Variants in XRCC6 observed in about 807,000 individuals in gnomAD.
XRCC6 encodes DNA repair protein Ku70.
In XRCC6, 5 loss-of-function variants were observed where a neutral mutation model predicts 65.7. That is an observed-to-expected ratio of 0.08 (90% CI 0.04 to 0.16). XRCC6 has a LOEUF of 0.16. Ranked by LOEUF, XRCC6 falls within the 10% of genes least tolerant of loss-of-function variation. The probability of loss-of-function intolerance (pLI) is 1.00; values close to 1 mark genes in which losing one functional copy is unlikely to be tolerated. For missense variants in XRCC6, 447 were observed against 738.1 expected (o/e 0.61, Z 4.57); for synonymous variants, 270 against 270.6 (o/e 1.00, Z 0.02).
intron 3 of XRCC6, among the ~76,000 whole-genome samples, chr22:41,630,391 T>C (rs1414481710): frequency 6.6e-6 from 1 of 152,056 alleles, no homozygotes; most frequent in Non-Finnish European, 1.5e-5. Flanking sequence ...GGTTAAGGCA[T>C]GTGCCACTAT....
At chr22:41,658,201 T>C (rs770785582) in intron 10 of XRCC6, 51 bp from the exon 11 acceptor site, 2 of 1,590,290 alleles carry the variant, frequency 1.3e-6, no homozygotes, top group Admixed American at 3.4e-5. Context: ...TCTAATTTTT[T>C]CAATGTTTAA....
intron 6 of XRCC6, among the ~76,000 whole-genome samples, chr22:41,645,034 C>T (rs1231438118): frequency 6.6e-6 from 1 of 151,926 alleles, no homozygotes; most frequent in Non-Finnish European, 1.5e-5. Flanking sequence ...GGGGCTGTGG[C>T]TCACACCTGT....
At chr22:41,652,952 G>A (rs915087698) in intron 8 of XRCC6, among the ~76,000 whole-genome samples, 2 of 151,746 alleles carry the variant, frequency 1.3e-5, no homozygotes, top group African/African-American at 2.4e-5. Context: ...GATTACAGGC[G>A]TGAGCCACCA....
At chr22:41,624,997 A>AAAAAT (rs998055544) in intron 2 of XRCC6, among the ~76,000 whole-genome samples, 113 of 152,240 alleles carry the variant, frequency 7.4e-4, no homozygotes, top group African/African-American at 2.5e-3. Context: ...ACTCCGTCTC[A>AAAAAT]AAAATAAAAT....
At chr22:41,661,503 T>A (rs1056164768) in intron 12 of XRCC6, 59 bp downstream of exon 12, 1 of 1,402,886 alleles carries the variant, frequency 7.1e-7, no homozygotes. Flanking sequence ...ATGATAGTCT[T>A]ATCACAGTGG....
rs1030632838 is a variant in XRCC6 at position 41,621,717 on chromosome 22, A to G, written c.-15-273A>G. On this transcript the variant is annotated intron_variant, in intron 1 of 12. Transcript: ENST00000360079. ...CTGGAGCGGGAATCCCTCACCGTCT[A>G]AATGGCGTCGGGGGCGGGACCTCCG... The G allele has an allele frequency of 4.5e-4, 203 of 452,228 alleles. 5 individuals carry two copies. The highest frequency in any genetic ancestry group is 2.5e-3 in the Middle Eastern group (4 of 1,594). 28.0% of individuals were successfully genotyped at this position (452,228 alleles called of 1,614,324 possible).
chr22:41,624,474 C>T (rs904008730), intron 2 of XRCC6, among the ~76,000 whole-genome samples: 4 of 151,018 alleles, frequency 2.6e-5, no homozygotes, highest in African/African-American at 7.3e-5. Context: ...ATCACAAGGT[C>T]GGGAGATAGA....
intron 9 of XRCC6, among the ~76,000 whole-genome samples, chr22:41,655,198 C>A (rs2068033736): frequency 6.6e-6 from 1 of 152,044 alleles, no homozygotes; most frequent in Non-Finnish European, 1.5e-5. Context: ...TCATAAAGTG[C>A]TTCCTTTAAA....
chr22:41,663,340 AAAGG>A (rs1011741304), intron 12 of XRCC6, among the ~76,000 whole-genome samples: 1 of 152,166 alleles, frequency 6.6e-6, no homozygotes, highest in Admixed American at 6.5e-5. Context: ...AAAGATTTTC[AAAGG>A]AAGGAAGGAA....
intron 12 of XRCC6, 35 bp downstream of exon 12, chr22:41,661,479 T>A (rs763712503): frequency 1.3e-6 from 2 of 1,581,160 alleles, no homozygotes; most frequent in Non-Finnish European, 1.7e-6. Flanking sequence ...GGGCTATTTT[T>A]AAAAATTGCT....
chr22:41,653,109 T>G (rs767204479), intron 8 of XRCC6, among the ~76,000 whole-genome samples: 1 of 151,866 alleles, frequency 6.6e-6, no homozygotes, highest in Non-Finnish European at 1.5e-5. Context: ...TGAGATATTA[T>G]AAGCCCTTTA....
At chr22:41,655,230 C>T (rs1460204478) in intron 9 of XRCC6, among the ~76,000 whole-genome samples, 3 of 151,386 alleles carry the variant, frequency 2.0e-5, no homozygotes, top group Admixed American at 6.6e-5. Context: ...GAGTTCTTGA[C>T]TTTAAGGAGG....
chr22:41,656,377 C>T (rs533088520), intron 9 of XRCC6, among the ~76,000 whole-genome samples: 55 of 151,868 alleles, frequency 3.6e-4, no homozygotes, highest in Non-Finnish European at 5.9e-4. Context: ...AAAAATTAGC[C>T]GGGCGTGGTG....
rs56159232 is a variant in XRCC6 at position 41,636,294 on chromosome 22, A to ATT, written c.334+44_334+45insTT. ...ATCAGCTTTTCCCTTATATATGAGA[A>ATT]TATCAGTACTCTGATCAAAGAGGAC... On this transcript the variant is annotated intron_variant, in intron 4 of 12. Coordinates refer to ENST00000360079, the MANE Select transcript of XRCC6 (RefSeq NM_001469.5). The ATT allele has an allele frequency of 7.5e-5, 117 of 1,554,274 alleles. No individual in the cohort carries two copies. In the African/African-American group the frequency reaches 1.4e-3, roughly 19 times the overall value.
intron 12 of XRCC6, among the ~76,000 whole-genome samples, chr22:41,662,722 A>G (rs977165505): frequency 2.0e-5 from 3 of 152,190 alleles, no homozygotes; most frequent in African/African-American, 4.8e-5. Flanking sequence ...TCTATCCAAG[A>G]AGGAGTGAAT....
At chr22:41,645,146 A>T (rs1305386742) in intron 6 of XRCC6, among the ~76,000 whole-genome samples, 1 of 151,810 alleles carries the variant, frequency 6.6e-6, no homozygotes, top group African/African-American at 2.4e-5. Flanking sequence ...ACTAAAAAAT[A>T]CAAAATTAGC....
At chr22:41,646,831 GA>G in intron 6 of XRCC6, 64 bp from the exon 7 acceptor site, 1 of 1,359,026 alleles carries the variant, frequency 7.4e-7, no homozygotes, top group East Asian at 2.3e-5. Context: ...TTGGTGTTAT[GA>G]GGGAATTTTA....
At chr22:41,654,606 C>T (rs1398274191) in intron 9 of XRCC6, among the ~76,000 whole-genome samples, 1 of 152,150 alleles carries the variant, frequency 6.6e-6, no homozygotes, top group African/African-American at 2.4e-5. Flanking sequence ...ATTTTTTAGT[C>T]CTTCCAGAAC....
chr22:41,646,814 T>C (rs1407613097), intron 6 of XRCC6, 82 bp from the exon 7 acceptor site: 1 of 1,174,898 alleles, frequency 8.5e-7, no homozygotes, highest in African/African-American at 1.5e-5. Context: ...AATAAAACAG[T>C]GAAGCTTTGG....
Sources: allele counts gnomAD v4.1 joint callset (sites outside exome capture counted in the v4.1 genomes callset), GRCh38; gene constraint gnomAD v4.1.1; transcripts MANE v1.5; gene names NCBI Gene and HGNC (gene_info 2026-07-23, HGNC 2026-07-21).